Variants in FAF1 observed in about 807,000 individuals in gnomAD.
The protein encoded by FAF1 is FAS-associated factor 1.
A neutral mutation model predicts 92.5 loss-of-function variants in FAF1; 25 were observed. That is an observed-to-expected ratio of 0.27 (90% confidence interval 0.20 to 0.38). The LOEUF (loss-of-function observed/expected upper bound fraction) is 0.38. Ranked by LOEUF, FAF1 falls within the 10% of genes least tolerant of loss-of-function variation. FAF1 has a pLI of 1.00. For synonymous variants in FAF1, 234 were observed against 273.2 expected, an observed-to-expected ratio of 0.86 and a Z score of 1.42; for missense variants, 636 against 793.3, an observed-to-expected ratio of 0.80 and a Z score of 2.38.
chr1:50,572,707 G>C (rs1185714397), intron 12 of FAF1, among the ~76,000 whole-genome samples: 1 of 152,198 alleles, frequency 6.6e-6, no homozygotes, highest in Non-Finnish European at 1.5e-5. Flanking sequence ...GTGGCATACA[G>C]TTCTGAAGGT....
At chr1:50,580,945 T>C (rs1251347168) in intron 12 of FAF1, among the ~76,000 whole-genome samples, 1 of 152,164 alleles carries the variant, frequency 6.6e-6, no homozygotes, top group Non-Finnish European at 1.5e-5. Flanking sequence ...CTAATTTTTG[T>C]ATGATTTTTT....
intron 4 of FAF1, among the ~76,000 whole-genome samples, chr1:50,762,537 A>C (rs1341478153): frequency 6.6e-6 from 1 of 152,078 alleles, no homozygotes; most frequent in Non-Finnish European, 1.5e-5. Flanking sequence ...ATAACACCAC[A>C]TATCTACAAC....
intron 5 of FAF1, 148 bp downstream of exon 5, chr1:50,744,536 A>G: frequency 1.7e-6 from 1 of 602,296 alleles, no homozygotes. Flanking sequence ...CTTAGAAAAC[A>G]CTACTTGCTG....
chr1:50,736,589 A>T (rs1016924455), intron 6 of FAF1, among the ~76,000 whole-genome samples: 1 of 152,108 alleles, frequency 6.6e-6, no homozygotes. Flanking sequence ...ATCTCTACTA[A>T]AAATACCAAA....
intron 4 of FAF1, among the ~76,000 whole-genome samples, chr1:50,770,273 A>G (rs1660731310): frequency 6.6e-6 from 1 of 152,220 alleles, no homozygotes; most frequent in African/African-American, 2.4e-5. Context: ...AGGCAAGAGA[A>G]AGAAATAAAA....
At chr1:50,819,698 TATATAC>T (rs1182116765) in intron 2 of FAF1, among the ~76,000 whole-genome samples, 18 of 57,696 alleles carry the variant, frequency 3.1e-4, no homozygotes, top group Non-Finnish European at 4.5e-4. Flanking sequence ...TATACATATA[TATATAC>T]ATATATATAT....
At chr1:50,443,751 G>GC (rs1399735175) in intron 18 of FAF1, among the ~76,000 whole-genome samples, 1 of 152,196 alleles carries the variant, frequency 6.6e-6, no homozygotes, top group Non-Finnish European at 1.5e-5. Context: ...CAGTGTCTGA[G>GC]CCAATGAGTA....
chr1:50,622,556 G>T (rs1369963105), intron 8 of FAF1, among the ~76,000 whole-genome samples: 1 of 152,134 alleles, frequency 6.6e-6, no homozygotes, highest in East Asian at 1.9e-4. Flanking sequence ...AAGGATATTA[G>T]TACAATTGTC....
At position 50,518,371 on chromosome 1, in the gene FAF1, T is replaced by A. The variant is rs567960740; in HGVS notation, c.1494+16998A>T. ...TCAATAAAGGATACTAAAGGACATTTGGGTTGTTTTTAGTTTTGGCAATTA... is the reference window on the plus strand; with the variant it reads ...TCAATAAAGGATACTAAAGGACATTAGGGTTGTTTTTAGTTTTGGCAATTA... On this transcript the variant is annotated intron_variant, in intron 15 of 18. Coordinates refer to ENST00000396153, the MANE Select transcript of FAF1 (RefSeq NM_007051.3). Among the ~76,000 whole-genome samples, 3 of 152,292 alleles carry A rather than the reference T, an allele frequency of 2.0e-5. No homozygotes were observed. The East Asian group carries it at 5.8e-4, about 29-fold the overall frequency.
At chr1:50,846,548 G>A (rs17106373) in intron 2 of FAF1, 5,544 of 513,060 alleles carry the variant, frequency 0.011, 125 homozygotes, top group Admixed American at 0.033. Context: ...TACGATAGAG[G>A]TTCTGATGGA....
chr1:50,613,732 T>A (rs1652780023), intron 8 of FAF1, among the ~76,000 whole-genome samples: 1 of 152,138 alleles, frequency 6.6e-6, no homozygotes, highest in African/African-American at 2.4e-5. Flanking sequence ...TCAATATACA[T>A]GTGTTTATTT....
intron 8 of FAF1, among the ~76,000 whole-genome samples, chr1:50,638,949 C>A (rs928042044): frequency 4.6e-5 from 7 of 152,186 alleles, no homozygotes; most frequent in African/African-American, 1.7e-4. Flanking sequence ...TTCTATGACT[C>A]CCAAAAGTTT....
At chr1:50,907,018 G>C (rs1020099435) in intron 1 of FAF1, among the ~76,000 whole-genome samples, 7 of 152,152 alleles carry the variant, frequency 4.6e-5, no homozygotes, top group Non-Finnish European at 1.0e-4. Context: ...CTGTGGGTTT[G>C]TCATAAATAG....
chr1:50,500,157 T>C (rs532869769), intron 15 of FAF1, among the ~76,000 whole-genome samples: 15 of 152,256 alleles, frequency 9.9e-5, no homozygotes, highest in Admixed American at 8.5e-4. Context: ...GGTTAGCTGA[T>C]TGTAAAATTC....
chr1:50,554,035 G>A (rs1649433990), intron 13 of FAF1, among the ~76,000 whole-genome samples: 1 of 151,734 alleles, frequency 6.6e-6, no homozygotes, highest in Admixed American at 6.6e-5. Flanking sequence ...CTAAGGACAC[G>A]TCTAATCCCT....
Position 50,694,008 on chromosome 1 carries a change from TAC to T in FAF1, c.657+11776_657+11777del, listed in dbSNP as rs201835470. On this transcript the variant is annotated intron_variant, in intron 7 of 18. Transcript: ENST00000396153. ...ATATGTATATGTGTCATTATATATA[TAC>T]ATGACATATATGACATATATATGAC... Among the ~76,000 whole-genome samples, 1,059 of 147,964 alleles carry T rather than the reference TAC, an allele frequency of 7.2e-3. 10 individuals carry two copies. Among genetic ancestry groups the T allele is most frequent in the African/African-American group, 0.025 (1,025 of 41,100 alleles).
At chr1:50,939,257 G>C (rs1324632692) in intron 1 of FAF1, among the ~76,000 whole-genome samples, 1 of 152,062 alleles carries the variant, frequency 6.6e-6, no homozygotes, top group Non-Finnish European at 1.5e-5. Flanking sequence ...GTGTTTTGTA[G>C]TTCTCCTTGT....
intron 15 of FAF1, among the ~76,000 whole-genome samples, chr1:50,498,408 A>G (rs1646927506): frequency 6.6e-6 from 1 of 152,200 alleles, no homozygotes; most frequent in Non-Finnish European, 1.5e-5. Context: ...GAGAAATTAC[A>G]CTTCATCAAA....
chr1:50,504,628 T>A (rs376597715), intron 15 of FAF1, among the ~76,000 whole-genome samples: 1 of 152,154 alleles, frequency 6.6e-6, no homozygotes, highest in Non-Finnish European at 1.5e-5. Flanking sequence ...GTACCCAACA[T>A]CAATTTCAAA....
Sources: allele counts gnomAD v4.1 joint callset (sites outside exome capture counted in the v4.1 genomes callset), GRCh38; gene constraint gnomAD v4.1.1; transcripts MANE v1.5; gene names NCBI Gene and HGNC (gene_info 2026-07-23, HGNC 2026-07-21).